GMPS: variants seen among roughly 807,000 people sequenced by gnomAD.
The protein encoded by GMPS is guanosine monophosphate synthase, also known as GMP synthase [glutamine-hydrolyzing].
Under a neutral mutation model 77.9 loss-of-function variants are expected in GMPS, and 15 were observed. The observed-to-expected ratio is 0.19, with a 90% CI of 0.13 to 0.30. The LOEUF (loss-of-function observed/expected upper bound fraction) is 0.30, where lower values mean the gene tolerates loss of function less well. GMPS is among the 10% of genes least tolerant of loss of function. The probability of loss-of-function intolerance (pLI) is 1.00; values close to 1 mark genes in which losing one functional copy is unlikely to be tolerated. For missense variants in GMPS, 590 were observed against 838.8 expected (o/e 0.70, Z 3.66); for synonymous variants, 224 against 275.9 (o/e 0.81, Z 1.86).
At chr3:155,894,712 T>C (rs1754558692) in intron 2 of GMPS, among the ~76,000 whole-genome samples, 1 of 152,234 alleles carries the variant, frequency 6.6e-6, no homozygotes, top group Non-Finnish European at 1.5e-5. Context: ...AGTGTGAAAG[T>C]GGTTAAAAGA....
At chr3:155,876,392 T>TA (rs1754049158) in intron 1 of GMPS, among the ~76,000 whole-genome samples, 1 of 152,216 alleles carries the variant, frequency 6.6e-6, no homozygotes, top group Non-Finnish European at 1.5e-5. Flanking sequence ...AAGGATGTGT[T>TA]ACCAGTATTT....
At chr3:155,934,008 G>T (rs1248767849) in intron 13 of GMPS, among the ~76,000 whole-genome samples, 4 of 152,124 alleles carry the variant, frequency 2.6e-5, no homozygotes, top group African/African-American at 7.2e-5. Context: ...GAAGTAGTAG[G>T]ATACTAAGTC....
intron 2 of GMPS, among the ~76,000 whole-genome samples, chr3:155,894,752 A>G (rs1339249202): frequency 6.6e-6 from 1 of 152,210 alleles, no homozygotes; most frequent in Non-Finnish European, 1.5e-5. Flanking sequence ...ACATGTGTGC[A>G]TTATCCTGTG....
chr3:155,938,242 A>G lies in GMPS; in HGVS notation c.*550A>G, dbSNP rs1207161522. 1 of 221,136 alleles carries G rather than the reference A, an allele frequency of 4.5e-6. No homozygotes were observed. The highest frequency in any genetic ancestry group is 9.0e-6 in the Non-Finnish European group (1 of 110,554). 13.7% of individuals were successfully genotyped at this position (221,136 alleles called of 1,614,324 possible). ...CTGAGGGTATAAAATGTAAGCTACCATAAGATGGAAAAGCACCAGGAATTT... is the reference window on the plus strand; with the variant it reads ...CTGAGGGTATAAAATGTAAGCTACCGTAAGATGGAAAAGCACCAGGAATTT... On this transcript the variant is annotated 3_prime_UTR_variant, in exon 16 of 16. Coordinates refer to ENST00000496455, the MANE Select transcript of GMPS (RefSeq NM_003875.3).
intron 10 of GMPS, among the ~76,000 whole-genome samples, chr3:155,920,818 T>A (rs1439992224): frequency 2.6e-5 from 4 of 152,220 alleles, no homozygotes; most frequent in African/African-American, 7.2e-5. Flanking sequence ...AGGGAATTAA[T>A]TGGACATAGC....
At chr3:155,894,830 G>A (rs6441027) in intron 2 of GMPS, among the ~76,000 whole-genome samples, 140,930 of 152,326 alleles carry the variant, frequency 0.93, 65,317 homozygotes, top group African/African-American at 0.97. Context: ...ACTCTGCTCT[G>A]GTGTTAGGAT....
intron 7 of GMPS, among the ~76,000 whole-genome samples, chr3:155,913,195 G>C (rs1044326927): frequency 6.6e-6 from 1 of 152,168 alleles, no homozygotes; most frequent in African/African-American, 2.4e-5. Flanking sequence ...TAGTTGACCA[G>C]GTACAGGAAA....
chr3:155,890,810 A>T (rs912346651), intron 1 of GMPS, among the ~76,000 whole-genome samples: 7 of 152,214 alleles, frequency 4.6e-5, no homozygotes, highest in Admixed American at 6.5e-5. Flanking sequence ...CAGCCTTGCC[A>T]CAGTCAGCAT....
intron 1 of GMPS, among the ~76,000 whole-genome samples, chr3:155,874,674 A>G (rs971204799): frequency 1.2e-4 from 18 of 152,148 alleles, no homozygotes; most frequent in African/African-American, 4.1e-4. Flanking sequence ...ATCTCGGATG[A>G]CATTGCCTTT....
At position 155,937,790 on chromosome 3, in the gene GMPS, C is replaced by G; in HGVS notation, c.*98C>G. 1.5e-6 allele frequency: 1 copy of G among 659,196 alleles called. No homozygotes were observed. The allele number at this position is 659,196 out of a possible 1,614,324, so 40.8% of individuals were successfully genotyped here. A position where few individuals can be genotyped will look rare whatever the true frequency, so the allele number is the denominator to read the frequency against. Reference sequence around the variant, plus strand: ...AGTACTGTGAAAAGAGTTACTGGAGCAGCTACATCACATCTGAGTTCTCCA... The same window carrying G: ...AGTACTGTGAAAAGAGTTACTGGAGGAGCTACATCACATCTGAGTTCTCCA... On this transcript the variant is annotated 3_prime_UTR_variant, in exon 16 of 16. Transcript: ENST00000496455.
intron 12 of GMPS, among the ~76,000 whole-genome samples, chr3:155,931,206 C>CA (rs1299357876): frequency 1.3e-5 from 2 of 150,358 alleles, no homozygotes; most frequent in African/African-American, 2.4e-5. Flanking sequence ...TTTTTTGAGA[C>CA]AGAGTTTCAC....
chr3:155,884,939 C>A (rs868184958), intron 1 of GMPS, among the ~76,000 whole-genome samples: 15 of 152,008 alleles, frequency 9.9e-5, no homozygotes, highest in Admixed American at 3.9e-4. Context: ...AGCTATTGGC[C>A]CCTTGTAGAT....
chr3:155,889,210 T>C (rs1754407943), intron 1 of GMPS, among the ~76,000 whole-genome samples: 1 of 152,226 alleles, frequency 6.6e-6, no homozygotes, highest in African/African-American at 2.4e-5. Context: ...AATTCCTGGC[T>C]CTGTCCCTGT....
intron 12 of GMPS, among the ~76,000 whole-genome samples, chr3:155,928,748 C>T (rs1210823511): frequency 7.3e-6 from 1 of 137,842 alleles, no homozygotes; most frequent in East Asian, 2.3e-4. Context: ...CATGTGATCT[C>T]ATTGTTCAAT....
At chr3:155,894,126 T>TA (rs1301680852) in intron 2 of GMPS, among the ~76,000 whole-genome samples, 6 of 152,246 alleles carry the variant, frequency 3.9e-5, no homozygotes, top group African/African-American at 1.4e-4. Flanking sequence ...TTAAATCTAA[T>TA]ATATGGGCTA....
rs1408472535 is a variant in GMPS at position 155,942,101 on chromosome 3, G to T, written c.*4409G>T. 24 of 183,772 alleles carry T rather than the reference G, an allele frequency of 1.3e-4. No individual in the cohort carries two copies. Among genetic ancestry groups the T allele is most frequent in the East Asian group, 6.4e-4 (7 of 10,894 alleles). 11.4% of individuals were successfully genotyped at this position (183,772 alleles called of 1,614,324 possible). Reference sequence around the variant, plus strand: ...ACTCAAGCATTTACAGTTTTGTTTTGTTTTTTTTTTAAGACAGAGTCTCGC... The same window carrying T: ...ACTCAAGCATTTACAGTTTTGTTTTTTTTTTTTTTTAAGACAGAGTCTCGC... On this transcript the variant is annotated 3_prime_UTR_variant, in exon 16 of 16. Transcript: ENST00000496455.
intron 5 of GMPS, among the ~76,000 whole-genome samples, chr3:155,908,224 G>A (rs569815708): frequency 6.6e-6 from 1 of 152,298 alleles, no homozygotes; most frequent in African/African-American, 2.4e-5. Flanking sequence ...GAGGGTACCT[G>A]GAGAATCTCC....
chr3:155,922,341 C>A, intron 11 of GMPS, 39 bp downstream of exon 11: 1 of 801,742 alleles, frequency 1.2e-6, no homozygotes, highest in Non-Finnish European at 2.0e-6. Context: ...AGAAATTGAA[C>A]GGATTCTTAT....
At position 155,914,487 on chromosome 3, in the gene GMPS, C is replaced by T; in HGVS notation, c.955C>T (p.Pro319Ser). The change falls in exon 8 of 16, where the codon CCA becomes TCA. Residue 319 changes from proline (P) to serine (S), a missense_variant. Physicochemically the swap from Pro to Ser is moderately conservative, Grantham distance 74. Transcript: ENST00000496455. ...ACCAATATCAGATGAAGATAGAACC[C>T]CACGGAAAAGAATTAGCAAAACGTT... ...TLPISDEDRT[P>S]RKRISKTLNM... 2 of 1,604,842 alleles carry T rather than the reference C, an allele frequency of 1.2e-6. No individual in the cohort carries two copies. Among genetic ancestry groups the T allele is most frequent in the Non-Finnish European group, 1.7e-6 (2 of 1,175,884 alleles).
Sources: gnomAD v4.1 joint callset for allele counts (sites outside exome capture counted in the v4.1 genomes callset) on GRCh38, gnomAD v4.1.1 for gene constraint, MANE v1.5 for transcripts, NCBI Gene and HGNC (gene_info 2026-07-23, HGNC 2026-07-21) for gene names.